The following CENPM variants were observed in gnomAD, a reference collection of about 807,000 sequenced individuals.
CENPM encodes interphase centromere complex protein 39.
A neutral mutation model predicts 19.6 loss-of-function variants in CENPM; 14 were observed. The observed-to-expected ratio is 0.71, with a 90% confidence interval of 0.47 to 1.11. The LOEUF (loss-of-function observed/expected upper bound fraction) is 1.11, where lower values mean the gene tolerates loss of function less well. CENPM is among the 50% of genes most tolerant of loss of function. The pLI, the probability that CENPM is intolerant of heterozygous loss-of-function variation, is 0.00. For missense variants in CENPM, 239 were observed against 228.4 expected (o/e 1.05, Z -0.30); for synonymous variants, 114 against 101.5 (o/e 1.12, Z -0.74).
At chr22:41,935,528 C>T (rs1250635921), downstream of CENPM, among the ~76,000 whole-genome samples, 3 of 152,214 alleles carry the variant, frequency 2.0e-5, no homozygotes, top group Non-Finnish European at 4.4e-5. Context: ...TGCTACTGCC[C>T]ATCCCTTCAG....
chr22:41,936,297 A>G (rs1044255546), downstream of CENPM, among the ~76,000 whole-genome samples: 5 of 152,194 alleles, frequency 3.3e-5, no homozygotes, highest in African/African-American at 9.7e-5. Flanking sequence ...CTGTTTCATG[A>G]ACTGTGAATT....
chr22:41,927,970 G>A, the CENPM span, among the ~76,000 whole-genome samples: 1 of 152,236 alleles, frequency 6.6e-6, no homozygotes, highest in Admixed American at 6.5e-5. Context: ...GTGTTTGCCA[G>A]ATGGACTGAG....
intron 4 of CENPM, chr22:41,944,864 T>C: frequency 9.3e-6 from 10 of 1,070,258 alleles, no homozygotes; most frequent in Non-Finnish European, 1.1e-5. Context: ...TCTGCTCATA[T>C]TCACTCTTAG....
At chr22:41,927,393 C>T in the CENPM span, among the ~76,000 whole-genome samples, 10 of 152,170 alleles carry the variant, frequency 6.6e-5, no homozygotes, top group Admixed American at 3.3e-4. Context: ...TCCTCTGCTC[C>T]GTCTAGCCAA....
At chr22:41,944,212 C>T (rs371487270) in intron 4 of CENPM, 25 of 876,464 alleles carry the variant, frequency 2.9e-5, no homozygotes, top group South Asian at 1.0e-4. Context: ...CTGAGGCAGG[C>T]GGATACCTGA....
Position 41,938,895 on chromosome 22 carries a change from G to C in CENPM, c.*161C>G, listed in dbSNP as rs970701668. 1.0e-5 allele frequency: 9 copies of C among 880,550 alleles called. No homozygotes were observed. In the Admixed American group the frequency reaches 1.1e-4, roughly 11 times the overall value. 54.5% of individuals were successfully genotyped at this position (880,550 alleles called of 1,614,324 possible). A position where few individuals can be genotyped will look rare whatever the true frequency, so the allele number is the denominator to read the frequency against. On this transcript the variant is annotated 3_prime_UTR_variant, in exon 6 of 6. Transcript: ENST00000215980. ...CCAGCTGGGCCCCCTCGCTGCTTCT[G>C]CCCAGCTCTCCCTGCTGCAGCACTG... is the stretch of plus-strand genomic sequence containing the variant.
the CENPM span, among the ~76,000 whole-genome samples, chr22:41,932,064 CGTGTAG>C: frequency 6.6e-6 from 1 of 152,250 alleles, no homozygotes; most frequent in Non-Finnish European, 1.5e-5. The surrounding 1 kb of genome is among the most constrained non-coding windows in gnomAD (Gnocchi z 4.3). Flanking sequence ...TTTGCCCCCT[CGTGTAG>C]GTGTACACAC....
intron 4 of CENPM, 81 bp downstream of exon 4, chr22:41,945,144 G>C: frequency 1.2e-6 from 2 of 1,603,512 alleles, no homozygotes; most frequent in Non-Finnish European, 8.5e-7. Context: ...CATCACCCAG[G>C]GTGCCTCAGC....
At chr22:41,928,840 T>TCCAGGGCAGGTGGCCCAGGGCAGGTGGC in the CENPM span, among the ~76,000 whole-genome samples, 2 of 152,024 alleles carry the variant, frequency 1.3e-5, no homozygotes, top group African/African-American at 4.8e-5. The surrounding 1 kb of genome is among the most constrained non-coding windows in gnomAD (Gnocchi z 4.0). Flanking sequence ...GTGGCCCACG[T>TCCAGGGCAGGTGGCCCAGGGCAGGTGGC]CCAGGGCAGG....
At chr22:41,942,717 T>C (rs2077753186) in intron 5 of CENPM, among the ~76,000 whole-genome samples, 2 of 150,700 alleles carry the variant, frequency 1.3e-5, no homozygotes, top group East Asian at 1.9e-4. Flanking sequence ...CGCCACTGCA[T>C]TCCAGCCTGG....
rs1449102435 is a variant in CENPM at position 41,946,766 on chromosome 22, A to AACCAATTCCAGGCGCGGGAAC, written c.57+233_57+253dup. 50 of 599,880 alleles carry AACCAATTCCAGGCGCGGGAAC rather than the reference A, an allele frequency of 8.3e-5. No individual in the cohort carries two copies. In the African/African-American group the frequency reaches 8.5e-4, roughly 10 times the overall value. 37.2% of individuals were successfully genotyped at this position (599,880 alleles called of 1,614,324 possible). The stretch of plus-strand genomic sequence containing the variant: ...GAGGCCAGACCCCCAGACGCGGGAA[A>AACCAATTCCAGGCGCGGGAAC]ACCAATTCCAGGCGCGGGAACTCGC... On this transcript the variant is annotated intron_variant, in intron 1 of 5. Transcript: ENST00000215980.
At chr22:41,931,694 G>GCTTCGAGTCA in the CENPM span, among the ~76,000 whole-genome samples, 1 of 152,306 alleles carries the variant, frequency 6.6e-6, no homozygotes, top group African/African-American at 2.4e-5. Context: ...GGCCTGCAGG[G>GCTTCGAGTCA]GGTCTGTGTC....
chr22:41,945,094 C>T, intron 4 of CENPM, 131 bp downstream of exon 4: 2 of 1,542,822 alleles, frequency 1.3e-6, no homozygotes, highest in Non-Finnish European at 1.8e-6. Context: ...GCCCTCCACC[C>T]TCCGATAGGC....
At chr22:41,944,633 G>C (rs1012034077) in intron 4 of CENPM, 65 of 977,498 alleles carry the variant, frequency 6.6e-5, no homozygotes, top group Non-Finnish European at 7.8e-5. Context: ...CAGCTCAAAA[G>C]ATGTCAGCCA....
rs1602396060 is a variant in CENPM, at chr22:41,947,062, C to T, written c.15G>A (p.Arg5=). Residue 5 remains arginine (R), a synonymous_variant, in exon 1 of 6, where the codon AGG becomes AGA. Coordinates refer to ENST00000215980, the MANE Select transcript of CENPM (RefSeq NM_024053.5). MSVL[R]PLDKLPGLNT... ...TCAGGCCGGGCAGCTTGTCCAGGGG[C>T]CTCAACACCGACATCACAGCCGCAG... 2 of 1,612,932 alleles carry T rather than the reference C, an allele frequency of 1.2e-6. No individual in the cohort carries two copies. The highest frequency in any genetic ancestry group is 2.2e-5 in the East Asian group (1 of 44,868).
chr22:41,945,221 T>C lies in CENPM; in HGVS notation c.310+4A>G. On this transcript the variant is annotated splice_donor_region_variant and intron_variant, in intron 4 of 5. Transcript: ENST00000215980. ...GGGCAGTAACAGGCGAGGAACGTACTTACCACCTGTGGCGAGGAAACACAC... is the reference window on the plus strand; with the variant it reads ...GGGCAGTAACAGGCGAGGAACGTACCTACCACCTGTGGCGAGGAAACACAC... 1 of 1,613,938 alleles carries C rather than the reference T, an allele frequency of 6.2e-7. No homozygotes were observed. Among genetic ancestry groups the C allele is most frequent in the Non-Finnish European group, 8.5e-7 (1 of 1,179,982 alleles).
chr22:41,929,335 C>A, the CENPM span, among the ~76,000 whole-genome samples: 1 of 152,180 alleles, frequency 6.6e-6, no homozygotes, highest in African/African-American at 2.4e-5. Flanking sequence ...GAGTACCAGG[C>A]AGCTCATTTA....
chr22:41,938,038 G>A (rs2077691554), downstream of CENPM, among the ~76,000 whole-genome samples: 5 of 151,750 alleles, frequency 3.3e-5, no homozygotes, highest in South Asian at 1.0e-3. Flanking sequence ...TAGAGGCAGA[G>A]TTTCACTGTT....
chr22:41,943,223 C>A (rs967925164), intron 5 of CENPM, among the ~76,000 whole-genome samples: 6 of 152,164 alleles, frequency 3.9e-5, no homozygotes, highest in African/African-American at 1.4e-4. Flanking sequence ...ATACGCTTGG[C>A]CTCACAATCA....
Sources: gnomAD v4.1 joint callset for allele counts (sites outside exome capture counted in the v4.1 genomes callset) on GRCh38, gnomAD v4.1.1 for gene constraint, Gnocchi (gnomAD v3.1) non-coding constraint, MANE v1.5 for transcripts, NCBI Gene and HGNC (gene_info 2026-07-23, HGNC 2026-07-21) for gene names.